Variants in UCP1 observed in about 807,000 individuals in gnomAD.
UCP1 encodes mitochondrial brown fat uncoupling protein 1.
UCP1 carries 24 observed loss-of-function variants against 26.2 expected under a neutral mutation model. The observed-to-expected ratio is 0.92, with a 90% confidence interval of 0.66 to 1.29. UCP1 has a LOEUF of 1.29. Ranked by LOEUF, UCP1 falls within the 50% of genes most tolerant of loss-of-function variation. UCP1 has a pLI of 0.00. For synonymous variants in UCP1, 164 were observed against 156.8 expected, an observed-to-expected ratio of 1.05 and a Z score of -0.34; for missense variants, 402 against 388.7, an observed-to-expected ratio of 1.03 and a Z score of -0.29.
At chr4:140,562,943 T>G (rs1170569349) in intron 4 of UCP1, among the ~76,000 whole-genome samples, 167 bp downstream of exon 4, 1 of 152,212 alleles carries the variant, frequency 6.6e-6, no homozygotes. Context: ...AACTTAATAT[T>G]TTGGTCTTTT....
At position 140,559,851 on chromosome 4, in the gene UCP1, C is replaced by A. The variant is rs1354195245; in HGVS notation, c.*45G>T. 1 of 1,457,294 alleles carries A rather than the reference C, an allele frequency of 6.9e-7. No homozygotes were observed. Among genetic ancestry groups the A allele is most frequent in the East Asian group, 2.3e-5 (1 of 44,110 alleles). 90.3% of individuals were successfully genotyped at this position (1,457,294 alleles called of 1,614,324 possible). A position where few individuals can be genotyped will look rare whatever the true frequency, so the allele number is the denominator to read the frequency against. On this transcript the variant is annotated 3_prime_UTR_variant, in exon 6 of 6. Transcript: ENST00000262999. ...GTTTTGTTTGTTTTTATGATCCAGT[C>A]AGCAAGATTCCCACTGGTATGTTAC...
chr4:140,563,940 T>C (rs1008797451), intron 2 of UCP1, among the ~76,000 whole-genome samples: 1 of 152,184 alleles, frequency 6.6e-6, no homozygotes, highest in Admixed American at 6.5e-5. Context: ...TTTCTATTTC[T>C]CTAATGCTTG....
intron 2 of UCP1, among the ~76,000 whole-genome samples, chr4:140,564,384 C>A (rs564876296): frequency 6.6e-6 from 1 of 152,280 alleles, no homozygotes; most frequent in African/African-American, 2.4e-5. Flanking sequence ...AGACAGATTT[C>A]ATTAAGTACA....
chr4:140,565,966 T>C (rs944799119), intron 2 of UCP1, among the ~76,000 whole-genome samples: 2 of 152,220 alleles, frequency 1.3e-5, no homozygotes, highest in Non-Finnish European at 2.9e-5. Context: ...CATTACCTTT[T>C]CTATTTTTAG....
intron 2 of UCP1, among the ~76,000 whole-genome samples, chr4:140,564,737 C>T (rs1243157627): frequency 6.6e-6 from 1 of 152,172 alleles, no homozygotes. Context: ...TCACTTTTAG[C>T]TCACATTTGT....
Position 140,568,721 on chromosome 4 carries a change from GC to G in UCP1, c.8del (p.Gly3AlafsTer2), listed in dbSNP as rs538257429. 2.5e-6 allele frequency: 4 copies of G among 1,592,436 alleles called. No individual in the cohort carries two copies. The highest frequency in any genetic ancestry group is 1.3e-5 in the African/African-American group (1 of 74,642). On this transcript the variant is annotated frameshift_variant, in exon 1 of 6. Coordinates refer to ENST00000262999, the MANE Select transcript of UCP1 (RefSeq NM_021833.5). LOFTEE classifies it high-confidence loss of function. Reference protein sequence around the residue: MGGLTASDVHPTL... With the variant: MGXLTASDVHPTL... Reference sequence around the variant, plus strand: ...TCGGGTGTACGTCCGAGGCTGTCAGGCCCCCCATCTTCACTCAGAGACTGGA... The same window carrying G: ...TCGGGTGTACGTCCGAGGCTGTCAGGCCCCCATCTTCACTCAGAGACTGGA...
chr4:140,565,429 T>G (rs1735775039), intron 2 of UCP1, among the ~76,000 whole-genome samples: 1 of 152,194 alleles, frequency 6.6e-6, no homozygotes, highest in South Asian at 2.1e-4. Context: ...TTCTTACTCC[T>G]TTTACATATA....
Position 140,567,759 on chromosome 4 carries a change from C to T in UCP1, c.325+20G>A, listed in dbSNP as rs372736155. On this transcript the variant is annotated intron_variant, in intron 2 of 5. Coordinates refer to ENST00000262999, the MANE Select transcript of UCP1 (RefSeq NM_021833.5). ...GAGCCCAAGGCTTTTCTGCCCCTCCCAGGAACGCTCACGGCTTACTTTCTT... is the reference window on the plus strand; with the variant it reads ...GAGCCCAAGGCTTTTCTGCCCCTCCTAGGAACGCTCACGGCTTACTTTCTT... 1 of 1,613,466 alleles carries T rather than the reference C, an allele frequency of 6.2e-7. No homozygotes were observed. Among genetic ancestry groups the T allele is most frequent in the African/African-American group, 1.3e-5 (1 of 74,910 alleles).
intron 1 of UCP1, 115 bp downstream of exon 1, chr4:140,568,489 G>T: frequency 6.5e-7 from 1 of 1,533,190 alleles, no homozygotes; most frequent in Non-Finnish European, 8.8e-7. Flanking sequence ...TGCTTTGGAA[G>T]GTCACCTACC....
In UCP1 at chr4:140,559,724, A is replaced by AT; in HGVS notation, c.*171_*172insA. 7.9e-6 allele frequency: 5 copies of AT among 630,580 alleles called. No homozygotes were observed. Among genetic ancestry groups the AT allele is most frequent in the Non-Finnish European group, 8.2e-6 (3 of 365,904 alleles). 39.1% of individuals were successfully genotyped at this position (630,580 alleles called of 1,614,324 possible). On this transcript the variant is annotated 3_prime_UTR_variant, in exon 6 of 6. Transcript: ENST00000262999. Reference sequence around the variant, plus strand: ...TCTTAAGACACTGAGAAAAAAAAAAAGTTATATGAAATAGGCATTAATTTT... The same window carrying AT: ...TCTTAAGACACTGAGAAAAAAAAAAATGTTATATGAAATAGGCATTAATTTT...
chr4:140,568,653 A>G lies in UCP1; in HGVS notation c.77T>C (p.Leu26Ser), dbSNP rs370861057. ...CAGCGGGAAGGTGATCACGTCCGCC[A>G]AGCACGCCGCTATTCCAGCTGAGAA... is the stretch of plus-strand genomic sequence containing the variant. ...QLFSAGIAACLADVITFPLDT... is the reference protein window; with the variant it reads ...QLFSAGIAACSADVITFPLDT... The change falls in exon 1 of 6, where the codon TTG becomes TCG. Residue 26 changes from leucine to serine, a missense_variant. Physicochemically the swap from Leu to Ser is moderately radical, Grantham distance 145. Transcript: ENST00000262999. The G allele has an allele frequency of 5.1e-5, 82 of 1,612,060 alleles. No individual in the cohort carries two copies. The highest frequency in any genetic ancestry group is 6.8e-5 in the Non-Finnish European group (80 of 1,179,544).
chr4:140,561,961 C>G (rs1042582484), intron 5 of UCP1, among the ~76,000 whole-genome samples: 2 of 152,146 alleles, frequency 1.3e-5, no homozygotes, highest in African/African-American at 4.8e-5. Flanking sequence ...GGAAAAGGCA[C>G]TGGTCTTGAA....
intron 2 of UCP1, among the ~76,000 whole-genome samples, chr4:140,565,262 A>G (rs1190913467): frequency 2.6e-5 from 4 of 152,102 alleles, no homozygotes; most frequent in Non-Finnish European, 5.9e-5. Context: ...CTTGGAAGTC[A>G]TCTCATATTT....
chr4:140,560,558 A>G (rs1040759442), intron 5 of UCP1, among the ~76,000 whole-genome samples: 2 of 152,180 alleles, frequency 1.3e-5, no homozygotes, highest in African/African-American at 2.4e-5. Context: ...AAGAGAAACC[A>G]AAGAAGTATT....
chr4:140,562,399 A>C (rs747339615), intron 4 of UCP1, 26 bp from the exon 5 acceptor site: 67 of 1,611,184 alleles, frequency 4.2e-5, no homozygotes, highest in Non-Finnish European at 5.6e-5. Flanking sequence ...GAAACAGGTC[A>C]ACATCAGACT....
Position 140,563,510 on chromosome 4 carries a change from T to G in UCP1, c.334A>C (p.Ser112Arg). The G allele has an allele frequency of 1.2e-6, 2 of 1,613,830 alleles. No homozygotes were observed. Among genetic ancestry groups the G allele is most frequent in the Non-Finnish European group, 1.7e-6 (2 of 1,179,964 alleles). Reference protein sequence around the residue: ...FLTAGKETAPSLGSKILAGLT... With the variant: ...FLTAGKETAPRLGSKILAGLT... Reference sequence around the variant, plus strand: ...CCAGCTAAAATCTTGCTTCCTAAACTAGGTGCTGCTATCCAGAGAGAAAAA... The same window carrying G: ...CCAGCTAAAATCTTGCTTCCTAAACGAGGTGCTGCTATCCAGAGAGAAAAA... Residue 112 changes from serine to arginine, a missense_variant, in exon 3 of 6, where the codon AGT becomes CGT. Coordinates refer to ENST00000262999, the MANE Select transcript of UCP1 (RefSeq NM_021833.5).
In UCP1 at chr4:140,568,642, T is replaced by A. The variant is rs745523548; in HGVS notation, c.88A>T (p.Ile30Phe). 6.2e-7 allele frequency: 1 copy of A among 1,612,858 alleles called. No homozygotes were observed. The highest frequency in any genetic ancestry group is 1.1e-5 in the South Asian group (1 of 90,562). ...AGIAACLADV[I>F]TFPLDTAKVR... ...TTGGCCGTGTCCAGCGGGAAGGTGA[T>A]CACGTCCGCCAAGCACGCCGCTATT... The change falls in exon 1 of 6, where the codon ATC (isoleucine) becomes TTC (phenylalanine). Residue 30 changes from isoleucine (I) to phenylalanine (F), a missense_variant. Ile to Phe is a conservative substitution (Grantham distance 21, BLOSUM62 0). Coordinates refer to ENST00000262999, the MANE Select transcript of UCP1 (RefSeq NM_021833.5).
chr4:140,568,940 C>T lies in UCP1; in HGVS notation c.-211G>A. On this transcript the variant is annotated 5_prime_UTR_variant, in exon 1 of 6. Transcript: ENST00000262999. ...AGTCCCCGCGTCCCCTCCTACCCAC[C>T]CTCGCGCCAGCAGGACCCTCTGCGT... The T allele has an allele frequency of 3.0e-6, 2 of 675,180 alleles. No homozygotes were observed. The highest frequency in any genetic ancestry group is 3.8e-5 in the South Asian group (2 of 52,734). 41.8% of individuals were successfully genotyped at this position (675,180 alleles called of 1,614,324 possible). A position where few individuals can be genotyped will look rare whatever the true frequency, so the allele number is the denominator to read the frequency against.
chr4:140,566,227 A>G (rs1735791448), intron 2 of UCP1, among the ~76,000 whole-genome samples: 1 of 152,200 alleles, frequency 6.6e-6, no homozygotes, highest in South Asian at 2.1e-4. Flanking sequence ...ATCATGGAAT[A>G]TAGTCATCTA....
Sources: gnomAD v4.1 joint callset for allele counts (sites outside exome capture counted in the v4.1 genomes callset) on GRCh38, gnomAD v4.1.1 for gene constraint, MANE v1.5 for transcripts, NCBI Gene and HGNC (gene_info 2026-07-23, HGNC 2026-07-21) for gene names.